GTPBP2: variants seen among roughly 807,000 people sequenced by gnomAD.
GTPBP2 encodes GTP-binding protein 2.
In GTPBP2, 32 loss-of-function variants were observed where a neutral mutation model predicts 63.0. The observed-to-expected ratio is 0.51, with a 90% CI of 0.38 to 0.68. GTPBP2 has a LOEUF of 0.68. Ranked by LOEUF, GTPBP2 falls within the 30% of genes least tolerant of loss-of-function variation. GTPBP2 has a pLI of 0.00. For synonymous variants in GTPBP2, 310 were observed against 322.6 expected (o/e 0.96, Z 0.42); for missense variants, 492 against 796.9 (o/e 0.62, Z 4.61).
upstream of GTPBP2, among the ~76,000 whole-genome samples, chr6:43,630,203 T>C (rs1327873568): frequency 6.6e-6 from 1 of 152,216 alleles, no homozygotes; most frequent in Non-Finnish European, 1.5e-5. Context: ...TTTGACTCTC[T>C]TGTGAAGCAA....
intron 1 of GTPBP2, chr6:43,628,381 A>G: frequency 6.0e-6 from 1 of 167,360 alleles, no homozygotes; most frequent in East Asian, 1.9e-4. Context: ...AAATAAATAA[A>G]TAATAAAAAA....
chr6:43,628,750 G>C, intron 1 of GTPBP2: 1 of 773,930 alleles, frequency 1.3e-6, no homozygotes, highest in Non-Finnish European at 2.4e-6. Flanking sequence ...AGAAGGGGGA[G>C]TCCTCCCTCT....
Position 43,625,789 on chromosome 6 carries a change from C to G in GTPBP2, c.474G>C (p.Glu158Asp). The change falls in exon 4 of 12, where the codon GAG (glutamate) becomes GAC (aspartate). Residue 158 changes from glutamate to aspartate, a missense_variant. Around this residue, in one of 2 missense-constraint regions of GTPBP2, gnomAD observed 400 missense variants for 710.8 expected, o/e 0.56. Coordinates refer to ENST00000307126, the MANE Select transcript of GTPBP2 (RefSeq NM_019096.5). This position sits in a 1 kb window ranked among gnomAD's most constrained non-coding sequence, Gnocchi z 5.1. Reference sequence around the variant, plus strand: ...TGTCAGGGACCTTTCGTACTAGCACCTCGGTGATCTTCCGGGGCATGTCGC... The same window carrying G: ...TGTCAGGGACCTTTCGTACTAGCACGTCGGTGATCTTCCGGGGCATGTCGC... Reference protein sequence around the residue: ...YDSDMPRKITEVLVRKVPDNQ... With the variant: ...YDSDMPRKITDVLVRKVPDNQ... The G allele has an allele frequency of 6.2e-7, 1 of 1,614,050 alleles. No individual in the cohort carries two copies. The highest frequency in any genetic ancestry group is 8.5e-7 in the Non-Finnish European group (1 of 1,179,920).
In GTPBP2 at chr6:43,624,768, G is replaced by A. The variant is rs145919311; in HGVS notation, c.881-39C>T. Reference sequence around the variant, plus strand: ...ACAGCAAGCAGCAGGAGAGAAGAGTGAGAATGCAGGAGGGAGGAGAGGGAA... The same window carrying A: ...ACAGCAAGCAGCAGGAGAGAAGAGTAAGAATGCAGGAGGGAGGAGAGGGAA... On this transcript the variant is annotated intron_variant, in intron 6 of 11. Transcript: ENST00000307126. This position sits in a 1 kb window ranked among gnomAD's most constrained non-coding sequence, Gnocchi z 5.1. 1.4e-4 allele frequency: 228 copies of A among 1,594,704 alleles called. No homozygotes were observed. The African/African-American group carries it at 2.7e-3, about 19-fold the overall frequency.
rs559128811 is a variant in GTPBP2 at position 43,622,893 on chromosome 6, C to G, written c.1296-89G>C. 46 of 1,083,818 alleles carry G rather than the reference C, an allele frequency of 4.2e-5. No individual in the cohort carries two copies. The East Asian group carries it at 1.1e-3, about 26-fold the overall frequency. The allele number at this position is 1,083,818 out of a possible 1,614,324, so 67.1% of individuals were successfully genotyped here. A position where few individuals can be genotyped will look rare whatever the true frequency, so the allele number is the denominator to read the frequency against. On this transcript the variant is annotated intron_variant, in intron 9 of 11. Coordinates refer to ENST00000307126, the MANE Select transcript of GTPBP2 (RefSeq NM_019096.5). This position sits in a 1 kb window ranked among gnomAD's most constrained non-coding sequence, Gnocchi z 5.4. ...GATCACCCAGAGCATTCCTTCCCTT[C>G]TAGGGTTGAGTCCCTCAAGTGGGGA...
intron 1 of GTPBP2, chr6:43,628,369 AT>A (rs1350196200): frequency 1.3e-4 from 21 of 166,074 alleles, no homozygotes; most frequent in Non-Finnish European, 1.9e-4. Flanking sequence ...CTCAAAAAAA[AT>A]AAATAAATAA....
chr6:43,628,820 G>T, intron 1 of GTPBP2, 157 bp downstream of exon 1: 1 of 872,890 alleles, frequency 1.1e-6, no homozygotes, highest in Non-Finnish European at 2.0e-6. Flanking sequence ...TTCCTCCCTG[G>T]GGTCCCGGGA....
At chr6:43,629,794 G>C (rs1417211183), upstream of GTPBP2, 1 of 1,561,766 alleles carries the variant, frequency 6.4e-7, no homozygotes, top group Non-Finnish European at 8.7e-7. Flanking sequence ...ACGCCAGGGC[G>C]GAGGCGGATG....
In GTPBP2 at chr6:43,624,774, G is replaced by A. The variant is rs754521596; in HGVS notation, c.881-45C>T. ...AGCAGCAGGAGAGAAGAGTGAGAAT[G>A]CAGGAGGGAGGAGAGGGAAGAAGAG... is the stretch of plus-strand genomic sequence containing the variant. On this transcript the variant is annotated intron_variant, in intron 6 of 11. Coordinates refer to ENST00000307126, the MANE Select transcript of GTPBP2 (RefSeq NM_019096.5). This position sits in a 1 kb window ranked among gnomAD's most constrained non-coding sequence, Gnocchi z 5.1. 1 of 1,592,768 alleles carries A rather than the reference G, an allele frequency of 6.3e-7. No homozygotes were observed. The highest frequency in any genetic ancestry group is 2.2e-5 in the East Asian group (1 of 44,754).
At chr6:43,628,528 C>G (rs907530614) in intron 1 of GTPBP2, 1 of 967,172 alleles carries the variant, frequency 1.0e-6, no homozygotes, top group Non-Finnish European at 1.2e-6. Context: ...GCTCTTTTCC[C>G]GAGTACTGTG....
chr6:43,627,970 T>C (rs1769514343), intron 1 of GTPBP2, among the ~76,000 whole-genome samples: 1 of 152,222 alleles, frequency 6.6e-6, no homozygotes, highest in African/African-American at 2.4e-5. Flanking sequence ...CCCAGACCAA[T>C]GGTTCCCAAA....
chr6:43,623,658 G>T, intron 9 of GTPBP2, 79 bp downstream of exon 9: 1 of 1,028,208 alleles, frequency 9.7e-7, no homozygotes, highest in Non-Finnish European at 1.5e-6. Flanking sequence ...CAATTCCAGG[G>T]TCTCCTCCTT....
At position 43,628,994 on chromosome 6, in the gene GTPBP2, G is replaced by C; in HGVS notation, c.169C>G (p.Pro57Ala). Residue 57 changes from proline to alanine, a missense_variant, in exon 1 of 12, where the codon CCG becomes GCG. This residue lies in a region of GTPBP2 where 92 missense variants were observed against 86.1 expected (regional missense o/e 1.07). Coordinates refer to ENST00000307126, the MANE Select transcript of GTPBP2 (RefSeq NM_019096.5). ...GTGCTCACCTCGGGGGGCAAATACG[G>C]GGGGTTGTTGGCTTTGCCCCCTCTG... ...RNRGGKANNP[P>A]YLPPEAEDGN... 1 of 1,613,944 alleles carries C rather than the reference G, an allele frequency of 6.2e-7. No homozygotes were observed. Among genetic ancestry groups the C allele is most frequent in the Non-Finnish European group, 8.5e-7 (1 of 1,179,858 alleles).
chr6:43,620,513 T>G lies in GTPBP2; in HGVS notation c.*1101A>C. 2 of 292,646 alleles carry G rather than the reference T, an allele frequency of 6.8e-6. No individual in the cohort carries two copies. The highest frequency in any genetic ancestry group is 5.2e-5 in the Admixed American group (1 of 19,314). 18.1% of individuals were successfully genotyped at this position (292,646 alleles called of 1,614,324 possible). A position where few individuals can be genotyped will look rare whatever the true frequency, so the allele number is the denominator to read the frequency against. On this transcript the variant is annotated 3_prime_UTR_variant, in exon 12 of 12. Transcript: ENST00000307126. ...AGTGTATTCAATAAAACATTTTTAT[T>G]CTGTACAATATATATGTGTATTTAA... is the stretch of plus-strand genomic sequence containing the variant.
rs750439802 is a variant in GTPBP2 at position 43,625,818 on chromosome 6, C to T, written c.445G>A (p.Asp149Asn). The T allele has an allele frequency of 5.6e-6, 9 of 1,614,106 alleles. No individual in the cohort carries two copies. The Admixed American group carries it at 1.5e-4, about 27-fold the overall frequency. ...TVLREREVDY[D>N]SDMPRKITEV... The stretch of plus-strand genomic sequence containing the variant: ...GTGATCTTCCGGGGCATGTCGCTAT[C>T]ATAATCCACTTCTCGCTCTCGAAGA... Residue 149 changes from aspartate to asparagine, a missense_variant, in exon 4 of 12, where the codon GAT (aspartate) becomes AAT (asparagine). By Grantham distance (23) the Asp-to-Asn change is conservative. Around this residue, in one of 2 missense-constraint regions of GTPBP2, gnomAD observed 400 missense variants for 710.8 expected, o/e 0.56. Transcript: ENST00000307126. The surrounding 1 kb of genome is among the most constrained non-coding windows in gnomAD (Gnocchi z 5.1).
chr6:43,627,408 G>T, intron 1 of GTPBP2: 1 of 893,592 alleles, frequency 1.1e-6, no homozygotes, highest in Non-Finnish European at 1.3e-6. Context: ...GTAAGAGGCT[G>T]CAAGAGGTTC....
Position 43,625,601 on chromosome 6 carries a change from C to T in GTPBP2, c.508-41G>A, listed in dbSNP as rs777324671. Reference sequence around the variant, plus strand: ...CAGAGATAAGAACTCCAATCTCTCACCCCTCTAACTGAAGACTGGGTCAAG... The same window carrying T: ...CAGAGATAAGAACTCCAATCTCTCATCCCTCTAACTGAAGACTGGGTCAAG... On this transcript the variant is annotated intron_variant, in intron 4 of 11. Coordinates refer to ENST00000307126, the MANE Select transcript of GTPBP2 (RefSeq NM_019096.5). This position sits in a 1 kb window ranked among gnomAD's most constrained non-coding sequence, Gnocchi z 5.1. The T allele has an allele frequency of 5.9e-6, 9 of 1,532,536 alleles. No homozygotes were observed. The highest frequency in any genetic ancestry group is 1.1e-5 in the South Asian group (1 of 89,484). The allele number at this position is 1,532,536 out of a possible 1,614,324, so 94.9% of individuals were successfully genotyped here. A position where few individuals can be genotyped will look rare whatever the true frequency, so the allele number is the denominator to read the frequency against.
At chr6:43,627,644 GGGTAGCACA>G in intron 1 of GTPBP2, among the ~76,000 whole-genome samples, 1 of 152,320 alleles carries the variant, frequency 6.6e-6, no homozygotes, top group South Asian at 2.1e-4. Context: ...TAGCTCCAGT[GGGTAGCACA>G]GCACAGAAGC....
Position 43,625,506 on chromosome 6 carries a change from G to A in GTPBP2, c.562C>T (p.Leu188=). 6.2e-7 allele frequency: 1 copy of A among 1,614,064 alleles called. No individual in the cohort carries two copies. The highest frequency in any genetic ancestry group is 8.5e-7 in the Non-Finnish European group (1 of 1,179,938). Residue 188 remains leucine, a synonymous_variant, in exon 5 of 12, where the codon CTG becomes TTG. Transcript: ENST00000307126. The surrounding 1 kb of genome is among the most constrained non-coding windows in gnomAD (Gnocchi z 5.1). The part of the protein sequence containing the change: ...LGNVDSGKST[L]LGVLTQGELD... ...TCTCCCTGGGTCAGGACTCCAAGCA[G>A]AGTTGACTTCCCAGAGTCCACATTC...
Sources: allele counts gnomAD v4.1 joint callset (sites outside exome capture counted in the v4.1 genomes callset), GRCh38; gene constraint gnomAD v4.1.1; regional missense constraint gnomAD v4.1.1; non-coding constraint Gnocchi (gnomAD v3.1); transcripts MANE v1.5; gene names NCBI Gene and HGNC (gene_info 2026-07-23, HGNC 2026-07-21).